The following PRSS3 variants were observed in gnomAD, a reference collection of about 807,000 sequenced individuals.
PRSS3 encodes the protein trypsin-3.
In PRSS3, 14 loss-of-function variants were observed where a neutral mutation model predicts 20.8. That is an observed-to-expected ratio of 0.67 (90% CI 0.44 to 1.05). The LOEUF is 1.05. Among genes scored for constraint, PRSS3 ranks in the 50% least tolerant of loss-of-function variants. The pLI is 0.00. For missense variants in PRSS3, 237 were observed against 306.4 expected (o/e 0.77, Z 1.69); for synonymous variants, 91 against 117.6 (o/e 0.77, Z 1.46).
Position 33,796,753 on chromosome 9 carries a change from T to C in PRSS3, c.151T>C (p.Ser51Pro), listed in dbSNP as rs752057386. Residue 51 changes from serine (S) to proline (P), a missense_variant, in exon 2 of 5, where the codon TCC becomes CCC. Physicochemically the swap from Ser to Pro is moderately conservative, Grantham distance 74 (BLOSUM62 -1). Coordinates refer to ENST00000379405, the MANE Select transcript of PRSS3 (RefSeq NM_002771.4). ...LNSGSHFCGGSLISEQWVVSA... is the reference protein window; with the variant it reads ...LNSGSHFCGGPLISEQWVVSA... ...TTCTGGCTCCCACTTCTGCGGTGGC[T>C]CCCTCATCAGCGAACAGTGGGTGGT... 1 of 1,613,984 alleles carries C rather than the reference T, an allele frequency of 6.2e-7. No homozygotes were observed. Among genetic ancestry groups the C allele is most frequent in the South Asian group, 1.1e-5 (1 of 91,072 alleles).
chr9:33,787,239 T>C (rs952586610), intron 1 of PRSS3, among the ~76,000 whole-genome samples: 1 of 152,232 alleles, frequency 6.6e-6, no homozygotes. Context: ...GGAAGAACTT[T>C]AGTCATCTTG....
intron 1 of PRSS3, among the ~76,000 whole-genome samples, chr9:33,756,336 A>G (rs185514588): frequency 9.9e-4 from 151 of 151,958 alleles, no homozygotes; most frequent in Non-Finnish European, 4.9e-4. Context: ...TTTGTTGTTC[A>G]TATTCTGATA....
chr9:33,755,131 C>T (rs1822881917), intron 1 of PRSS3, among the ~76,000 whole-genome samples: 2 of 152,162 alleles, frequency 1.3e-5, no homozygotes, highest in African/African-American at 2.4e-5. Context: ...CACGCCAGGT[C>T]ATCTGAGGGC....
intron 1 of PRSS3, among the ~76,000 whole-genome samples, chr9:33,772,156 G>A (rs970804044): frequency 5.3e-5 from 8 of 152,158 alleles, no homozygotes; most frequent in East Asian, 1.9e-4. Flanking sequence ...ACAGGCGTAA[G>A]CCACCGCGCG....
intron 1 of PRSS3, among the ~76,000 whole-genome samples, chr9:33,772,643 G>T (rs1823759968): frequency 6.6e-6 from 1 of 152,034 alleles, no homozygotes; most frequent in African/African-American, 2.4e-5. Context: ...AACCTTCTAG[G>T]ACAGCTGGGA....
At chr9:33,761,939 G>T (rs1327833891) in intron 1 of PRSS3, 1 of 152,100 alleles carries the variant, frequency 6.6e-6, no homozygotes, top group Non-Finnish European at 1.5e-5. Flanking sequence ...CATGCCGTCT[G>T]TTATTAACCA....
chr9:33,765,859 A>C (rs1823389145), intron 1 of PRSS3, among the ~76,000 whole-genome samples: 1 of 152,224 alleles, frequency 6.6e-6, no homozygotes, highest in East Asian at 1.9e-4. Context: ...ATACACACAA[A>C]AACATGCAGT....
chr9:33,759,227 T>C (rs1461989988), intron 1 of PRSS3, among the ~76,000 whole-genome samples: 2 of 152,116 alleles, frequency 1.3e-5, no homozygotes, highest in East Asian at 3.8e-4. Context: ...TGCAAGGGGA[T>C]GTGGACCCCT....
chr9:33,750,845 G>C lies in PRSS3; in HGVS notation c.-53+118G>C. 1 of 1,386,662 alleles carries C rather than the reference G, an allele frequency of 7.2e-7. No individual in the cohort carries two copies. Among genetic ancestry groups the C allele is most frequent in the Non-Finnish European group, 9.3e-7 (1 of 1,077,060 alleles). 85.9% of individuals were successfully genotyped at this position (1,386,662 alleles called of 1,614,324 possible). ...GGGTTCCGACTCGCATGGGACCTGC[G>C]GGGGAGGGTACGCGGACAGGGAGGG... On this transcript the variant is annotated intron_variant, in intron 1 of 5. Coordinates refer to the PRSS3 transcript ENST00000342836. The surrounding 1 kb of genome is among the most constrained non-coding windows in gnomAD (Gnocchi z 4.8).
intron 1 of PRSS3, among the ~76,000 whole-genome samples, chr9:33,753,562 C>T (rs1055773611): frequency 6.6e-6 from 1 of 152,178 alleles, no homozygotes; most frequent in Non-Finnish European, 1.5e-5. Flanking sequence ...CTCCCTGAAT[C>T]CCAGCCTGAA....
chr9:33,797,015 G>C (rs1481403441), intron 2 of PRSS3, among the ~76,000 whole-genome samples: 1 of 152,218 alleles, frequency 6.6e-6, no homozygotes, highest in East Asian at 1.9e-4. Flanking sequence ...TCTTGGAGTT[G>C]TCAGAGCTAG....
Position 33,799,186 on chromosome 9 carries a change from C to T in PRSS3, c.*6C>T. Reference sequence around the variant, plus strand: ...CCATCGCTGCCAACAGCTAAAGCCCCCGGTCCCTCTGCAGTCTCTATACCA... The same window carrying T: ...CCATCGCTGCCAACAGCTAAAGCCCTCGGTCCCTCTGCAGTCTCTATACCA... On this transcript the variant is annotated 3_prime_UTR_variant, in exon 5 of 5. Transcript: ENST00000379405. 6.2e-7 allele frequency: 1 copy of T among 1,614,068 alleles called. No individual in the cohort carries two copies. The highest frequency in any genetic ancestry group is 8.5e-7 in the Non-Finnish European group (1 of 1,179,968).
At chr9:33,755,646 A>G (rs1427700747) in intron 1 of PRSS3, among the ~76,000 whole-genome samples, 3 of 152,172 alleles carry the variant, frequency 2.0e-5, no homozygotes, top group Non-Finnish European at 4.4e-5. Context: ...CATGATCTTT[A>G]CATTCCCCTT....
intron 1 of PRSS3, among the ~76,000 whole-genome samples, chr9:33,775,516 T>G (rs749662565): frequency 3.5e-4 from 53 of 152,098 alleles, no homozygotes; most frequent in South Asian, 6.2e-4. Context: ...GAAATGAGAA[T>G]CAGAGAAGTA....
At chr9:33,763,271 C>G (rs1823281145) in intron 1 of PRSS3, among the ~76,000 whole-genome samples, 1 of 152,186 alleles carries the variant, frequency 6.6e-6, no homozygotes, top group Non-Finnish European at 1.5e-5. Context: ...CCCTGAGACT[C>G]TTGGGCACAT....
At chr9:33,793,465 A>C (rs1563966924), upstream of PRSS3, among the ~76,000 whole-genome samples, 1 of 152,212 alleles carries the variant, frequency 6.6e-6, no homozygotes, top group Non-Finnish European at 1.5e-5. Context: ...GTGAGCAGAG[A>C]GGTGTGTCAT....
intron 1 of PRSS3, among the ~76,000 whole-genome samples, chr9:33,785,502 A>G (rs1050975493): frequency 6.6e-6 from 1 of 152,218 alleles, no homozygotes; most frequent in African/African-American, 2.4e-5. Flanking sequence ...TTACACAGGC[A>G]TGATTTGTTT....
chr9:33,786,820 C>A, intron 1 of PRSS3: 3 of 750,684 alleles, frequency 4.0e-6, no homozygotes, highest in South Asian at 1.4e-5. Flanking sequence ...ACCTCTGCAG[C>A]GTTGAAGACA....
chr9:33,792,814 G>T (rs1458563387), upstream of PRSS3, among the ~76,000 whole-genome samples: 1 of 152,196 alleles, frequency 6.6e-6, no homozygotes, highest in Admixed American at 6.5e-5. Flanking sequence ...TAAGCACACA[G>T]AATTGATTCA....
Sources: allele counts gnomAD v4.1 joint callset (sites outside exome capture counted in the v4.1 genomes callset), GRCh38; gene constraint gnomAD v4.1.1; non-coding constraint Gnocchi (gnomAD v3.1); transcripts MANE v1.5; gene names NCBI Gene and HGNC (gene_info 2026-07-23, HGNC 2026-07-21).